Variants in GET3 observed in about 807,000 individuals in gnomAD.
GET3 encodes guided entry of tail-anchored proteins factor 3, ATPase, also known as ATPase GET3.
Under a neutral mutation model 32.4 loss-of-function variants are expected in GET3, and 15 were observed. That is an observed-to-expected ratio of 0.46 (90% confidence interval 0.31 to 0.71). The LOEUF (loss-of-function observed/expected upper bound fraction) is 0.71, where lower values mean the gene tolerates loss of function less well. Ranked by LOEUF, GET3 falls within the 30% of genes least tolerant of loss-of-function variation. GET3 has a pLI of 0.05. For synonymous variants in GET3, 198 were observed against 185.6 expected, an observed-to-expected ratio of 1.07 and a Z score of -0.54; for missense variants, 333 against 459.0, an observed-to-expected ratio of 0.73 and a Z score of 2.51.
At chr19:12,740,715 G>A (rs1394725138) in intron 2 of GET3, among the ~76,000 whole-genome samples, 1 of 152,182 alleles carries the variant, frequency 6.6e-6, no homozygotes, top group South Asian at 2.1e-4. Context: ...AAGAGATGCT[G>A]CAGAGTGAGG....
chr19:12,740,398 C>T (rs1489158860), intron 2 of GET3, among the ~76,000 whole-genome samples: 1 of 146,662 alleles, frequency 6.8e-6, no homozygotes, highest in Non-Finnish European at 1.5e-5. Flanking sequence ...TAATAAAGGC[C>T]GGGCACGGTG....
intron 2 of GET3, 78 bp downstream of exon 2, chr19:12,738,736 A>T: frequency 6.4e-7 from 1 of 1,562,310 alleles, no homozygotes; most frequent in Non-Finnish European, 8.7e-7. Context: ...ACCAGCAGCC[A>T]CCGTGTCCTA....
Position 12,745,771 on chromosome 19 carries a change from G to A in GET3, c.609+12G>A, listed in dbSNP as rs1377337195. ...CTTTCATCTCACAGGCAGGCGGCGG[G>A]GGCCCCCACCTGCACCATCCAGGCA... On this transcript the variant is annotated intron_variant, in intron 4 of 6. Transcript: ENST00000357332. This position sits in a 1 kb window ranked among gnomAD's most constrained non-coding sequence, Gnocchi z 5.0. 6.3e-7 allele frequency: 1 copy of A among 1,597,164 alleles called. No individual in the cohort carries two copies. Among genetic ancestry groups the A allele is most frequent in the Non-Finnish European group, 8.5e-7 (1 of 1,172,916 alleles).
rs112222445 is a variant in GET3, at chr19:12,747,176, C to T, written c.610-21C>T. ...AGGTCGCCGCAGGTAAGCTATGAGC[C>T]CTCCCACATCCCCCCTGCAGATGTG... On this transcript the variant is annotated intron_variant, in intron 4 of 6. Coordinates refer to ENST00000357332, the MANE Select transcript of GET3 (RefSeq NM_004317.4). The surrounding 1 kb of genome is among the most constrained non-coding windows in gnomAD (Gnocchi z 4.0). 1.3e-6 allele frequency: 2 copies of T among 1,565,150 alleles called. No homozygotes were observed. Among genetic ancestry groups the T allele is most frequent in the Non-Finnish European group, 1.7e-6 (2 of 1,154,790 alleles).
chr19:12,741,939 T>C (rs991507287), intron 2 of GET3, among the ~76,000 whole-genome samples: 20 of 152,116 alleles, frequency 1.3e-4, no homozygotes, highest in Admixed American at 1.2e-3. Context: ...AGGAGCAAGA[T>C]GGGAATACTC....
At position 12,745,812 on chromosome 19, in the gene GET3, A is replaced by T; in HGVS notation, c.609+53A>T. The T allele has an allele frequency of 6.5e-7, 1 of 1,550,036 alleles. No homozygotes were observed. The highest frequency in any genetic ancestry group is 8.7e-7 in the Non-Finnish European group (1 of 1,153,250). ...CATCCAGGCAGCCGGGAGTGGGAGT[A>T]GGCCCGGGCCCCCAGACCCTCAAAT... On this transcript the variant is annotated intron_variant, in intron 4 of 6. Coordinates refer to ENST00000357332, the MANE Select transcript of GET3 (RefSeq NM_004317.4). The surrounding 1 kb of genome is among the most constrained non-coding windows in gnomAD (Gnocchi z 5.0).
At chr19:12,743,586 C>T (rs1967710419) in intron 2 of GET3, among the ~76,000 whole-genome samples, 1 of 151,148 alleles carries the variant, frequency 6.6e-6, no homozygotes, top group Non-Finnish European at 1.5e-5. Flanking sequence ...GTCAGGAGAT[C>T]GCCACCATCC....
chr19:12,746,435 C>T (rs1967773009), intron 4 of GET3, among the ~76,000 whole-genome samples: 1 of 152,178 alleles, frequency 6.6e-6, no homozygotes, highest in Admixed American at 6.5e-5. Flanking sequence ...GCCCAGCCCC[C>T]ATGGGTTATT....
chr19:12,744,712 C>A (rs568561764), intron 2 of GET3, among the ~76,000 whole-genome samples: 3 of 152,274 alleles, frequency 2.0e-5, no homozygotes, highest in African/African-American at 7.2e-5. Flanking sequence ...AAAACCCCTG[C>A]CCCTGAGGGG....
intron 2 of GET3, among the ~76,000 whole-genome samples, chr19:12,744,540 A>G (rs557422459): frequency 5.4e-4 from 82 of 151,824 alleles, no homozygotes; most frequent in African/African-American, 1.6e-3. Flanking sequence ...GGCTGGCCTC[A>G]AGCTCCCGAC....
rs1001505056 is a variant in GET3 at position 12,741,060 on chromosome 19, A to G, written c.309+2402A>G. Reference sequence around the variant, plus strand: ...GGAGCAAGGGCGGGCGTGGTGGCTCATGCCTGTAATCCCAGCACTTCGGGA... The same window carrying G: ...GGAGCAAGGGCGGGCGTGGTGGCTCGTGCCTGTAATCCCAGCACTTCGGGA... On this transcript the variant is annotated intron_variant, in intron 2 of 6. Transcript: ENST00000357332. Among the ~76,000 whole-genome samples, 9 of 152,178 alleles carry G rather than the reference A, an allele frequency of 5.9e-5. No individual in the cohort carries two copies. In the South Asian group the frequency reaches 6.2e-4, roughly 11 times the overall value.
In GET3 at chr19:12,738,546, A is replaced by C. The variant is rs1245636311; in HGVS notation, c.197A>C (p.Glu66Ala). 6.2e-7 allele frequency: 1 copy of C among 1,614,152 alleles called. No homozygotes were observed. Among genetic ancestry groups the C allele is most frequent in the Non-Finnish European group, 8.5e-7 (1 of 1,180,032 alleles). Residue 66 changes from glutamate to alanine, a missense_variant, in exon 2 of 7, where the codon GAG becomes GCG. Around this residue, in one of 3 missense-constraint regions of GET3, gnomAD observed 230 missense variants for 389.2 expected, o/e 0.59. Transcript: ENST00000357332. Reference sequence around the variant, plus strand: ...GCAGTCCAGCTCTCCAAGGGGCGTGAGAGTGTTCTGATCATCTCCACAGAC... The same window carrying C: ...GCAGTCCAGCTCTCCAAGGGGCGTGCGAGTGTTCTGATCATCTCCACAGAC... Reference protein sequence around the residue: ...SLAVQLSKGRESVLIISTDPA... With the variant: ...SLAVQLSKGRASVLIISTDPA...
chr19:12,747,875 C>T lies in GET3; in HGVS notation c.916-98C>T. On this transcript the variant is annotated intron_variant, in intron 6 of 6. Coordinates refer to ENST00000357332, the MANE Select transcript of GET3 (RefSeq NM_004317.4). The surrounding 1 kb of genome is among the most constrained non-coding windows in gnomAD (Gnocchi z 4.0). ...CCTGCCCTATATTCTCTCCCTGACT[C>T]TGGAAGCTTTCTAGCTTTACCGCTT... The T allele has an allele frequency of 2.3e-6, 3 of 1,325,416 alleles. No individual in the cohort carries two copies. The South Asian group carries it at 4.1e-5, about 18-fold the overall frequency. 82.1% of individuals were successfully genotyped at this position (1,325,416 alleles called of 1,614,324 possible).
Position 12,745,385 on chromosome 19 carries a change from C to A in GET3, c.318C>A (p.Asp106Glu). The A allele has an allele frequency of 6.2e-7, 1 of 1,610,166 alleles. No homozygotes were observed. Among genetic ancestry groups the A allele is most frequent in the South Asian group, 1.1e-5 (1 of 91,082 alleles). ...GYDNLFAMEI[D>E]PSLGVAELPD... is the part of the protein sequence containing the mutation. ...ATCCCTTTGGCCCCCAGGAGATTGA[C>A]CCCAGCCTGGGCGTGGCGGAGCTGC... Residue 106 changes from aspartate to glutamate, a missense_variant, in exon 3 of 7, where the codon GAC becomes GAA. Asp to Glu is a conservative substitution (Grantham distance 45). This residue lies in a region of GET3 where 230 missense variants were observed against 389.2 expected (regional missense o/e 0.59). Transcript: ENST00000357332. The surrounding 1 kb of genome is among the most constrained non-coding windows in gnomAD (Gnocchi z 5.0).
intron 2 of GET3, among the ~76,000 whole-genome samples, chr19:12,740,280 C>CT (rs981921905): frequency 1.3e-5 from 2 of 152,180 alleles, no homozygotes. Context: ...GCTCAGGAGG[C>CT]TGAGGCAGGA....
chr19:12,740,771 A>G (rs1258122842), intron 2 of GET3, among the ~76,000 whole-genome samples: 4 of 152,232 alleles, frequency 2.6e-5, no homozygotes, highest in African/African-American at 7.2e-5. Context: ...TCCATCCAGC[A>G]TACAGACCCA....
chr19:12,745,726 G>C lies in GET3; in HGVS notation c.576G>C (p.Gln192His), dbSNP rs769852121. The C allele has an allele frequency of 1.9e-6, 3 of 1,612,178 alleles. No homozygotes were observed. Among genetic ancestry groups the C allele is most frequent in the South Asian group, 2.2e-5 (2 of 91,078 alleles). Residue 192 changes from glutamine to histidine, a missense_variant, in exon 4 of 7, where the codon CAG becomes CAC. Physicochemically the swap from Gln to His is conservative, Grantham distance 24. Coordinates refer to ENST00000357332, the MANE Select transcript of GET3 (RefSeq NM_004317.4). This position sits in a 1 kb window ranked among gnomAD's most constrained non-coding sequence, Gnocchi z 5.0. ...AGCGGGGCCTGGGCCGGCTTATGCA[G>C]ATCAAGAACCAGATCAGCCCTTTCA... ...IVERGLGRLM[Q>H]IKNQISPFIS... is the part of the protein sequence containing the mutation.
rs199842702 is a variant in GET3, at chr19:12,745,766, G to A, written c.609+7G>A. On this transcript the variant is annotated splice_region_variant and intron_variant, in intron 4 of 6. Transcript: ENST00000357332. This position sits in a 1 kb window ranked among gnomAD's most constrained non-coding sequence, Gnocchi z 5.0. Reference sequence around the variant, plus strand: ...CAGCCCTTTCATCTCACAGGCAGGCGGCGGGGGCCCCCACCTGCACCATCC... The same window carrying A: ...CAGCCCTTTCATCTCACAGGCAGGCAGCGGGGGCCCCCACCTGCACCATCC... 45 of 1,599,740 alleles carry A rather than the reference G, an allele frequency of 2.8e-5. No individual in the cohort carries two copies. The highest frequency in any genetic ancestry group is 3.4e-5 in the Non-Finnish European group (40 of 1,173,918).
At chr19:12,746,937 G>A (rs1967783190) in intron 4 of GET3, among the ~76,000 whole-genome samples, 1 of 151,742 alleles carries the variant, frequency 6.6e-6, no homozygotes, top group South Asian at 2.1e-4. Context: ...TTGAACCCAG[G>A]AGGCGGCGGT....
Sources: allele counts gnomAD v4.1 joint callset (sites outside exome capture counted in the v4.1 genomes callset), GRCh38; gene constraint gnomAD v4.1.1; regional missense constraint gnomAD v4.1.1; non-coding constraint Gnocchi (gnomAD v3.1); transcripts MANE v1.5; gene names NCBI Gene and HGNC (gene_info 2026-07-23, HGNC 2026-07-21).